Variants in PRSS37 observed in about 807,000 individuals in gnomAD.
PRSS37 encodes serine protease 37.
In PRSS37, 25 loss-of-function variants were observed where a neutral mutation model predicts 28.0. The observed-to-expected ratio is 0.89, with a 90% CI of 0.65 to 1.25. The LOEUF is 1.25. PRSS37 is among the 50% of genes most tolerant of loss of function. The pLI, the probability that PRSS37 is intolerant of heterozygous loss-of-function variation, is 0.00. For missense variants in PRSS37, 282 were observed against 292.2 expected (o/e 0.97, Z 0.25); for synonymous variants, 109 against 107.8 (o/e 1.01, Z -0.07).
Position 141,839,358 on chromosome 7 carries a change from G to A in PRSS37, c.156C>T (p.Ala52=). 1 of 1,613,854 alleles carries A rather than the reference G, an allele frequency of 6.2e-7. No individual in the cohort carries two copies. Among genetic ancestry groups the A allele is most frequent in the East Asian group, 2.2e-5 (1 of 44,880 alleles). Residue 52 remains alanine (A), a synonymous_variant, in exon 2 of 5, where the codon GCC becomes GCT. Coordinates refer to ENST00000350549, the MANE Select transcript of PRSS37 (RefSeq NM_001008270.3). ...TCAACGGTAAATAGCAGTGAGCTGG[G>A]GCCAGCACCCAGCTGGGTTTGATGA... ...GVLIKPSWVL[A]PAHCYLPNLK...
chr7:141,836,588 C>T, intron 4 of PRSS37, 53 bp from the exon 5 acceptor site: 1 of 1,598,924 alleles, frequency 6.3e-7, no homozygotes, highest in Non-Finnish European at 8.5e-7. Context: ...AGTGTCAGAT[C>T]TTCTCACAGG....
chr7:141,839,281 C>T lies in PRSS37; in HGVS notation c.176+57G>A, dbSNP rs777206909. On this transcript the variant is annotated intron_variant, in intron 2 of 4. Coordinates refer to ENST00000350549, the MANE Select transcript of PRSS37 (RefSeq NM_001008270.3). Reference sequence around the variant, plus strand: ...AGAGAAGTTACCCTTATATGAGAACCACTGATCTAGAATGAACAGTAGCTG... The same window carrying T: ...AGAGAAGTTACCCTTATATGAGAACTACTGATCTAGAATGAACAGTAGCTG... 6.4e-6 allele frequency: 10 copies of T among 1,555,636 alleles called. No individual in the cohort carries two copies. The African/African-American group carries it at 1.4e-4, about 21-fold the overall frequency.
chr7:141,839,885 C>T (rs1036667889), intron 1 of PRSS37, among the ~76,000 whole-genome samples: 11 of 152,126 alleles, frequency 7.2e-5, no homozygotes, highest in Admixed American at 7.2e-4. Flanking sequence ...CAAGTATGCT[C>T]ATGTTAGCTA....
chr7:141,841,279 G>T lies in PRSS37; in HGVS notation c.-230C>A. 1.1e-6 allele frequency: 1 copy of T among 888,050 alleles called. No homozygotes were observed. Among genetic ancestry groups the T allele is most frequent in the Non-Finnish European group, 1.6e-6 (1 of 629,438 alleles). The allele number at this position is 888,050 out of a possible 1,614,324, so 55.0% of individuals were successfully genotyped here. On this transcript the variant is annotated 5_prime_UTR_variant, in exon 1 of 5. Transcript: ENST00000350549. Reference sequence around the variant, plus strand: ...AGGGAAGGTGGAGGACTGTGCCTCTGTTGGGGCATTTCAGGGAAGGAAACT... The same window carrying T: ...AGGGAAGGTGGAGGACTGTGCCTCTTTTGGGGCATTTCAGGGAAGGAAACT...
rs780613036 is a variant in PRSS37 at position 141,839,417 on chromosome 7, G to A, written c.97C>T (p.Leu33Phe). 1 of 1,613,664 alleles carries A rather than the reference G, an allele frequency of 6.2e-7. No homozygotes were observed. The highest frequency in any genetic ancestry group is 1.7e-5 in the Admixed American group (1 of 59,998). The change falls in exon 2 of 5, where the codon CTC (leucine) becomes TTC (phenylalanine). Residue 33 changes from leucine to phenylalanine, a missense_variant. Leu to Phe is a conservative substitution (Grantham distance 22). Transcript: ENST00000350549. ...KEDPAPYLVY[L>F]KSHFNPCVGV... ...ACACAGGGGTTGAAGTGAGACTTGA[G>A]GTACACCAAATAGGGAGCAGGGTCT...
rs374454972 is a variant in PRSS37, at chr7:141,838,039, T to C, written c.251A>G (p.Gln84Arg). 5 of 1,614,062 alleles carry C rather than the reference T, an allele frequency of 3.1e-6. No homozygotes were observed. The highest frequency in any genetic ancestry group is 4.2e-6 in the Non-Finnish European group (5 of 1,180,034). The change falls in exon 3 of 5, where the codon CAG becomes CGG. Residue 84 changes from glutamine to arginine, a missense_variant. Coordinates refer to ENST00000350549, the MANE Select transcript of PRSS37 (RefSeq NM_001008270.3). ...ACTGTAGTTCCAGTAGCGGACGATC[T>C]GAATGGGGTTAATTGTCTGTTCAGT... is the stretch of plus-strand genomic sequence containing the variant. ...DGTEQTINPI[Q>R]IVRYWNYSHS... is the part of the protein sequence containing the mutation.
chr7:141,839,387 C>A lies in PRSS37; in HGVS notation c.127G>T (p.Val43Phe). ...LKSHFNPCVGVLIKPSWVLAP... is the reference protein window; with the variant it reads ...LKSHFNPCVGFLIKPSWVLAP... ...AGCACCCAGCTGGGTTTGATGAGGACGCCCACACAGGGGTTGAAGTGAGAC... is the reference window on the plus strand; with the variant it reads ...AGCACCCAGCTGGGTTTGATGAGGAAGCCCACACAGGGGTTGAAGTGAGAC... The change falls in exon 2 of 5, where the codon GTC (valine) becomes TTC (phenylalanine). Residue 43 changes from valine (V) to phenylalanine (F), a missense_variant. By Grantham distance (50) the Val-to-Phe change is conservative. Transcript: ENST00000350549. The A allele has an allele frequency of 6.2e-7, 1 of 1,613,776 alleles. No individual in the cohort carries two copies. Among genetic ancestry groups the A allele is most frequent in the Non-Finnish European group, 8.5e-7 (1 of 1,179,770 alleles).
At chr7:141,838,718 A>AG (rs983941335) in intron 2 of PRSS37, 4 of 263,354 alleles carry the variant, frequency 1.5e-5, no homozygotes, top group African/African-American at 9.1e-5. Context: ...CTCCTTGACT[A>AG]GGGGTTACAA....
intron 4 of PRSS37, 40 bp from the exon 5 acceptor site, chr7:141,836,575 A>G (rs772599932): frequency 7.9e-6 from 12 of 1,523,244 alleles, no homozygotes; most frequent in African/African-American, 5.5e-5. Context: ...GAGAGAGAGT[A>G]AGAGTGTCAG....
rs10657416 is a variant in PRSS37, at chr7:141,836,551, C to CAGAG, written c.568-20_568-17dup. On this transcript the variant is annotated splice_polypyrimidine_tract_variant and intron_variant, in intron 4 of 4. Transcript: ENST00000350549. Reference sequence around the variant, plus strand: ...CGGCCACCTCCTACCGGAGATCATGCAGAGAGAGAGAGAGAGAGAGAGTAA... The same window carrying CAGAG: ...CGGCCACCTCCTACCGGAGATCATGCAGAGAGAGAGAGAGAGAGAGAGAGAGTAA... The CAGAG allele has an allele frequency of 1.5e-3, 2,377 of 1,556,596 alleles. 13 individuals are homozygous for CAGAG. In the African/African-American group the frequency reaches 0.021, roughly 14 times the overall value.
At chr7:141,837,087 A>C (rs1800984282) in intron 4 of PRSS37, 25 bp downstream of exon 4, 1 of 1,607,826 alleles carries the variant, frequency 6.2e-7, no homozygotes, top group Non-Finnish European at 8.5e-7. Flanking sequence ...AAGTAAATGA[A>C]AGCTGAATAT....
rs774312393 is a variant in PRSS37 at position 141,841,227 on chromosome 7, G to C, written c.-178C>G. On this transcript the variant is annotated 5_prime_UTR_variant, in exon 1 of 5. Coordinates refer to ENST00000350549, the MANE Select transcript of PRSS37 (RefSeq NM_001008270.3). ...TAAACAGGGGAGGGAGATGGCTTCAGAGAGACAGATGAAAGCCCTCTGTTC... is the reference window on the plus strand; with the variant it reads ...TAAACAGGGGAGGGAGATGGCTTCACAGAGACAGATGAAAGCCCTCTGTTC... 29 of 1,376,802 alleles carry C rather than the reference G, an allele frequency of 2.1e-5. No homozygotes were observed. Among genetic ancestry groups the C allele is most frequent in the Non-Finnish European group, 2.6e-5 (27 of 1,040,590 alleles). 85.3% of individuals were successfully genotyped at this position (1,376,802 alleles called of 1,614,324 possible).
chr7:141,839,570 A>C, intron 1 of PRSS37, 91 bp from the exon 2 acceptor site: 1 of 1,081,416 alleles, frequency 9.2e-7, no homozygotes, highest in Non-Finnish European at 1.3e-6. Flanking sequence ...TGATTCTTAA[A>C]CAGTTATCAG....
At chr7:141,838,555 C>T (rs556501088) in intron 2 of PRSS37, 29 of 694,550 alleles carry the variant, frequency 4.2e-5, no homozygotes, top group Non-Finnish European at 5.0e-5. Context: ...TGGAAGGGGA[C>T]ATATATGGAT....
In PRSS37 at chr7:141,837,638, A is replaced by G. The variant is rs557647982; in HGVS notation, c.430+222T>C. 20 of 1,520,750 alleles carry G rather than the reference A, an allele frequency of 1.3e-5. No individual in the cohort carries two copies. The African/African-American group carries it at 2.6e-4, about 20-fold the overall frequency. The allele number at this position is 1,520,750 out of a possible 1,614,324, so 94.2% of individuals were successfully genotyped here. A position where few individuals can be genotyped will look rare whatever the true frequency, so the allele number is the denominator to read the frequency against. ...CAGAGTCAGATGGCCTGGTGGCTCC[A>G]GCTGCCAAAGCCCTGCAGAGGCAGT... On this transcript the variant is annotated intron_variant, in intron 3 of 4. Transcript: ENST00000350549.
chr7:141,840,794 A>G (rs989813141), intron 1 of PRSS37, among the ~76,000 whole-genome samples: 3 of 152,150 alleles, frequency 2.0e-5, no homozygotes, highest in African/African-American at 7.2e-5. Flanking sequence ...AGCCTTCTCC[A>G]AGGCACATGT....
At chr7:141,838,604 T>C (rs113995701) in intron 2 of PRSS37, 443 of 315,274 alleles carry the variant, frequency 1.4e-3, no homozygotes, top group African/African-American at 9.1e-3. Flanking sequence ...CTTCCTTCTA[T>C]TGGCCAATAG....
rs1227329907 is a variant in PRSS37 at position 141,837,939 on chromosome 7, G to A, written c.351C>T (p.Pro117=). 1.2e-6 allele frequency: 2 copies of A among 1,614,126 alleles called. No homozygotes were observed. Among genetic ancestry groups the A allele is most frequent in the Non-Finnish European group, 1.7e-6 (2 of 1,180,012 alleles). Residue 117 remains proline, a synonymous_variant, in exon 3 of 5, where the codon CCC becomes CCT. Transcript: ENST00000350549. ...TGACATTGGTGGTGGCGAGGGTAAG[G>A]GGCTGGACTTTGGGATTGAGCATGG... The part of the protein sequence containing the change: ...KPAMLNPKVQ[P]LTLATTNVRP...
At chr7:141,840,264 C>A (rs146272348) in intron 1 of PRSS37, among the ~76,000 whole-genome samples, 1 of 152,014 alleles carries the variant, frequency 6.6e-6, no homozygotes, top group Non-Finnish European at 1.5e-5. Context: ...TTAAAACATA[C>A]CCTAGAGAAT....
Sources: allele counts gnomAD v4.1 joint callset (sites outside exome capture counted in the v4.1 genomes callset), GRCh38; gene constraint gnomAD v4.1.1; transcripts MANE v1.5; gene names NCBI Gene and HGNC (gene_info 2026-07-23, HGNC 2026-07-21).